Variants in NDUFAF2 observed in about 807,000 individuals in gnomAD.
The protein encoded by NDUFAF2 is NADH:ubiquinone oxidoreductase complex assembly factor 2.
NDUFAF2 carries 13 observed loss-of-function variants against 22.8 expected under a neutral mutation model. That is an observed-to-expected ratio of 0.57 (90% CI 0.37 to 0.91). The LOEUF (loss-of-function observed/expected upper bound fraction) is 0.91. NDUFAF2 is among the 40% of genes least tolerant of loss of function. The probability of loss-of-function intolerance (pLI) is 0.01; values close to 1 mark genes in which losing one functional copy is unlikely to be tolerated. For missense variants in NDUFAF2, 162 were observed against 195.2 expected, an observed-to-expected ratio of 0.83 and a Z score of 1.01; for synonymous variants, 53 against 64.2, an observed-to-expected ratio of 0.83 and a Z score of 0.84.
intron 3 of NDUFAF2, among the ~76,000 whole-genome samples, chr5:61,101,348 C>T (rs919513878): frequency 1.3e-5 from 2 of 152,134 alleles, no homozygotes; most frequent in Admixed American, 6.6e-5. Context: ...CATTTCCTCT[C>T]ATTTTAAATA....
chr5:61,117,166 G>A (rs1237634625), intron 3 of NDUFAF2, among the ~76,000 whole-genome samples: 1 of 152,106 alleles, frequency 6.6e-6, no homozygotes, highest in Non-Finnish European at 1.5e-5. Flanking sequence ...TAAAATATTA[G>A]TTAGCTATTA....
chr5:61,058,240 A>C (rs1399895941), intron 1 of NDUFAF2, among the ~76,000 whole-genome samples: 1 of 152,036 alleles, frequency 6.6e-6, no homozygotes, highest in Non-Finnish European at 1.5e-5. Context: ...AATTCTCTAA[A>C]TTCTAGTAAT....
intron 1 of NDUFAF2, among the ~76,000 whole-genome samples, chr5:60,976,363 G>A (rs1750903033): frequency 6.7e-6 from 1 of 149,784 alleles, no homozygotes; most frequent in South Asian, 2.1e-4. Context: ...TAGGCTTTAT[G>A]TATGCCCTCA....
intron 1 of NDUFAF2, among the ~76,000 whole-genome samples, chr5:61,036,759 A>G (rs1320332109): frequency 6.6e-6 from 1 of 152,216 alleles, no homozygotes; most frequent in African/African-American, 2.4e-5. Flanking sequence ...ACCTTGGGCC[A>G]GTGGGAATAG....
chr5:61,073,583 C>G (rs1404825998), intron 2 of NDUFAF2, among the ~76,000 whole-genome samples: 2 of 152,174 alleles, frequency 1.3e-5, no homozygotes, highest in Non-Finnish European at 2.9e-5. Context: ...CATGAACTTG[C>G]AAAGTAACTT....
In NDUFAF2 at chr5:61,050,102, G is replaced by A. The variant is rs1368286810; in HGVS notation, c.128-23023G>A. 2.6e-5 allele frequency among the ~76,000 whole-genome samples: 4 copies of A among 151,946 alleles called. No individual in the cohort carries two copies. The East Asian group carries it at 7.7e-4, about 29-fold the overall frequency. On this transcript the variant is annotated intron_variant, in intron 1 of 3. Coordinates refer to ENST00000296597, the MANE Select transcript of NDUFAF2 (RefSeq NM_174889.5). ...TTATATACCCAGAAATGGAATTGCT[G>A]GATAAAGTGGTAATACTATTATATA...
At chr5:61,001,228 A>G (rs1245121612) in intron 1 of NDUFAF2, among the ~76,000 whole-genome samples, 8 of 152,106 alleles carry the variant, frequency 5.3e-5, no homozygotes, top group African/African-American at 1.9e-4. Flanking sequence ...TTCTCTGACT[A>G]ATAAGTCCAG....
intron 1 of NDUFAF2, among the ~76,000 whole-genome samples, chr5:61,015,824 C>G (rs765559833): frequency 2.6e-5 from 4 of 151,960 alleles, no homozygotes; most frequent in Non-Finnish European, 5.9e-5. Context: ...GTTTCCTTGC[C>G]CTGTCTTATG....
chr5:60,966,482 C>A (rs1750759565), intron 1 of NDUFAF2, among the ~76,000 whole-genome samples: 1 of 152,052 alleles, frequency 6.6e-6, no homozygotes, highest in Non-Finnish European at 1.5e-5. Context: ...TCTAGTTTTA[C>A]AGTACAAGTC....
intron 1 of NDUFAF2, among the ~76,000 whole-genome samples, chr5:61,006,876 G>A (rs1561540269): frequency 6.6e-6 from 1 of 152,044 alleles, no homozygotes; most frequent in Non-Finnish European, 1.5e-5. Context: ...TGAATAACCA[G>A]AGCTTCCAAA....
intron 1 of NDUFAF2, among the ~76,000 whole-genome samples, chr5:60,962,536 A>G (rs1190403070): frequency 6.6e-6 from 1 of 152,152 alleles, no homozygotes; most frequent in Non-Finnish European, 1.5e-5. Context: ...CTTGTGCTAC[A>G]TTCATAAACA....
chr5:61,107,037 G>T (rs1196406464), intron 3 of NDUFAF2, among the ~76,000 whole-genome samples: 5 of 44,644 alleles, frequency 1.1e-4, no homozygotes, highest in African/African-American at 2.7e-4. Flanking sequence ...CCTTTCCTTT[G>T]GATAAATATA....
intron 3 of NDUFAF2, among the ~76,000 whole-genome samples, chr5:61,134,025 G>T (rs2111816984): frequency 6.6e-6 from 1 of 152,264 alleles, no homozygotes; most frequent in African/African-American, 2.4e-5. Flanking sequence ...ATACGTCATA[G>T]TAAAAGAGCA....
At chr5:61,062,900 A>T (rs767867131) in intron 1 of NDUFAF2, among the ~76,000 whole-genome samples, 9 of 152,188 alleles carry the variant, frequency 5.9e-5, no homozygotes, top group Non-Finnish European at 1.0e-4. Context: ...GAGAAGATAT[A>T]TTCAAAGATG....
intron 2 of NDUFAF2, among the ~76,000 whole-genome samples, chr5:61,084,191 A>G (rs1331284121): frequency 1.3e-5 from 2 of 150,124 alleles, no homozygotes; most frequent in Non-Finnish European, 3.0e-5. Context: ...GGATTTTGTC[A>G]AATGTATTTT....
chr5:61,132,335 G>A (rs368196236), intron 3 of NDUFAF2, among the ~76,000 whole-genome samples: 2 of 152,148 alleles, frequency 1.3e-5, no homozygotes, highest in East Asian at 3.9e-4. Context: ...CTTTTGGTGG[G>A]TTCCTTCTTT....
chr5:61,082,539 C>T (rs1370145222), intron 2 of NDUFAF2, among the ~76,000 whole-genome samples: 1 of 151,958 alleles, frequency 6.6e-6, no homozygotes, highest in Non-Finnish European at 1.5e-5. Flanking sequence ...AACATGGTAC[C>T]CTCCCTAGTT....
chr5:61,042,589 G>A (rs1367126450), intron 1 of NDUFAF2, among the ~76,000 whole-genome samples: 1 of 152,096 alleles, frequency 6.6e-6, no homozygotes, highest in African/African-American at 2.4e-5. Flanking sequence ...CTGCATGAGG[G>A]AGTTTTTTTA....
At chr5:61,132,078 G>C (rs1012233123) in intron 3 of NDUFAF2, among the ~76,000 whole-genome samples, 1 of 152,084 alleles carries the variant, frequency 6.6e-6, no homozygotes, top group South Asian at 2.1e-4. Flanking sequence ...AATGGCAAGC[G>C]GATTAAATGA....
Sources: allele counts gnomAD v4.1 joint callset (sites outside exome capture counted in the v4.1 genomes callset), GRCh38; gene constraint gnomAD v4.1.1; transcripts MANE v1.5; gene names NCBI Gene and HGNC (gene_info 2026-07-23, HGNC 2026-07-21).